AMZ2: variants seen among roughly 807,000 people sequenced by gnomAD.
The protein encoded by AMZ2 is archaemetzincin-2.
A neutral mutation model predicts 36.7 loss-of-function variants in AMZ2; 26 were observed. That is an observed-to-expected ratio of 0.71 (90% CI 0.52 to 0.98). The LOEUF (loss-of-function observed/expected upper bound fraction) is 0.98. Among genes scored for constraint, AMZ2 ranks in the 50% least tolerant of loss-of-function variants. The pLI is 0.00. For missense variants in AMZ2, 394 were observed against 430.5 expected (o/e 0.92, Z 0.75); for synonymous variants, 144 against 149.1 (o/e 0.97, Z 0.25).
At chr17:68,209,626 A>G (rs1259599949) in intron 1 of AMZ2, among the ~76,000 whole-genome samples, 1 of 95,246 alleles carries the variant, frequency 1.0e-5, no homozygotes, top group Non-Finnish European at 1.9e-5. Flanking sequence ...ATATATATAT[A>G]TATATATTTT....
At chr17:68,223,714 G>GTTGT (rs113436551) in intron 1 of AMZ2, among the ~76,000 whole-genome samples, 20,987 of 146,120 alleles carry the variant, frequency 0.14, 1,715 homozygotes, top group African/African-American at 0.23. Context: ...TAATTTTTTT[G>GTTGT]TTGTTTGTTT....
intron 1 of AMZ2, among the ~76,000 whole-genome samples, chr17:68,232,064 T>C (rs1241869991): frequency 4.7e-5 from 7 of 148,826 alleles, no homozygotes; most frequent in African/African-American, 1.7e-4. Context: ...AATGTAAGGT[T>C]ACCTTAAGAG....
chr17:68,214,154 A>T (rs1555726721), intron 1 of AMZ2, among the ~76,000 whole-genome samples: 2 of 151,184 alleles, frequency 1.3e-5, no homozygotes, highest in Non-Finnish European at 2.9e-5. Context: ...CTTCTCATTA[A>T]CATCGTGGTA....
intron 1 of AMZ2, chr17:68,206,992 A>G (rs2072854037): frequency 6.6e-6 from 1 of 152,310 alleles, no homozygotes; most frequent in Non-Finnish European, 1.5e-5. Flanking sequence ...ATCAAAAATG[A>G]AAGTACAAAA....
chr17:68,254,827 T>G (rs2074775058), intron 5 of AMZ2, among the ~76,000 whole-genome samples: 1 of 152,218 alleles, frequency 6.6e-6, no homozygotes, highest in African/African-American at 2.4e-5. Context: ...AGTGTAATTC[T>G]GAATTCTGGT....
Position 68,248,658 on chromosome 17 carries a change from G to A in AMZ2, c.-48G>A, listed in dbSNP as rs2074204236. The A allele has an allele frequency of 1.0e-6, 1 of 985,988 alleles. No individual in the cohort carries two copies. The highest frequency in any genetic ancestry group is 1.2e-6 in the Non-Finnish European group (1 of 830,078). The allele number at this position is 985,988 out of a possible 1,614,324, so 61.1% of individuals were successfully genotyped here. On this transcript the variant is annotated 5_prime_UTR_variant, in exon 1 of 7. Coordinates refer to ENST00000359904, the MANE Select transcript of AMZ2 (RefSeq NM_016627.5). Reference sequence around the variant, plus strand: ...CTTCCAGCCAGGCCCAGACATGTCCGTCCTTGTAAGTTAAAAGCTTCCATG... The same window carrying A: ...CTTCCAGCCAGGCCCAGACATGTCCATCCTTGTAAGTTAAAAGCTTCCATG...
chr17:68,209,487 C>T (rs1244406900), intron 1 of AMZ2, among the ~76,000 whole-genome samples: 4 of 151,714 alleles, frequency 2.6e-5, no homozygotes, highest in African/African-American at 9.7e-5. Flanking sequence ...AGCCACTATG[C>T]CCGGCCTTTA....
intron 1 of AMZ2, among the ~76,000 whole-genome samples, chr17:68,210,526 G>A (rs1568338622): frequency 6.6e-6 from 1 of 152,220 alleles, no homozygotes; most frequent in Non-Finnish European, 1.5e-5. Flanking sequence ...TGTAGGCTGG[G>A]AGAAGGAGAG....
At chr17:68,247,527 G>A (rs1568369557), upstream of AMZ2, 1 of 685,436 alleles carries the variant, frequency 1.5e-6, no homozygotes, top group Non-Finnish European at 1.8e-6. Context: ...CCACGAGGAC[G>A]CGCCCCACAC....
chr17:68,252,221 G>C (rs1726171080), intron 4 of AMZ2, among the ~76,000 whole-genome samples: 1 of 152,204 alleles, frequency 6.6e-6, no homozygotes, highest in African/African-American at 2.4e-5. Context: ...TGTTACATTA[G>C]CCTTAGGATT....
intron 1 of AMZ2, among the ~76,000 whole-genome samples, chr17:68,215,826 A>G (rs1343217949): frequency 6.6e-6 from 1 of 150,648 alleles, no homozygotes; most frequent in Non-Finnish European, 1.5e-5. Context: ...CCCTTTGGAT[A>G]TTCACTCTCA....
chr17:68,230,319 T>C (rs7214717), intron 1 of AMZ2, among the ~76,000 whole-genome samples: 84,466 of 152,106 alleles, frequency 0.56, 24,801 homozygotes, highest in African/African-American at 0.75. Flanking sequence ...GGTGATCCAC[T>C]CGCCTCGGCC....
rs2074175581 is a variant in AMZ2, at chr17:68,248,409, AGGCAACCAGCCAGGG to A, written c.-296_-282del. On this transcript the variant is annotated 5_prime_UTR_variant, in exon 1 of 7. It adds an upstream start codon to the 5' untranslated region. Coordinates refer to ENST00000359904, the MANE Select transcript of AMZ2 (RefSeq NM_016627.5). ...CAGAGCCCACAGTGCGAGTTGCTAT[AGGCAACCAGCCAGGG>A]TGGCCAGCTCCTTCCCGTTTGCCCG... The A allele has an allele frequency of 1.0e-6, 1 of 986,034 alleles. No homozygotes were observed. Among genetic ancestry groups the A allele is most frequent in the Middle Eastern group, 5.2e-4 (1 of 1,936 alleles). The allele number at this position is 986,034 out of a possible 1,614,324, so 61.1% of individuals were successfully genotyped here.
At chr17:68,244,639 A>G (rs1437774169), upstream of AMZ2, among the ~76,000 whole-genome samples, 2 of 152,186 alleles carry the variant, frequency 1.3e-5, no homozygotes, top group Non-Finnish European at 1.5e-5. Flanking sequence ...TCATATAGAG[A>G]CAGAGATAAA....
chr17:68,254,920 T>C (rs1370248039), intron 5 of AMZ2, among the ~76,000 whole-genome samples: 1 of 152,214 alleles, frequency 6.6e-6, no homozygotes, highest in Non-Finnish European at 1.5e-5. Context: ...ACCTCTGCTC[T>C]GGCCTCTCTG....
intron 1 of AMZ2, among the ~76,000 whole-genome samples, chr17:68,229,041 T>A (rs192145444): frequency 1.4e-4 from 22 of 152,350 alleles, no homozygotes; most frequent in African/African-American, 5.3e-4. Flanking sequence ...CTGTCCTGGG[T>A]TAACTGAAGC....
chr17:68,211,874 G>GTA (rs368820389), intron 1 of AMZ2, among the ~76,000 whole-genome samples: 11,716 of 134,798 alleles, frequency 0.087, 901 homozygotes, highest in Non-Finnish European at 0.12. Flanking sequence ...ATATGTGTGT[G>GTA]TATGTATATA....
chr17:68,212,394 C>G (rs1206862514), intron 1 of AMZ2, among the ~76,000 whole-genome samples: 4 of 151,830 alleles, frequency 2.6e-5, no homozygotes, highest in African/African-American at 9.7e-5. Flanking sequence ...AAAATCTACC[C>G]TTGAAGTGGC....
intron 1 of AMZ2, among the ~76,000 whole-genome samples, chr17:68,212,518 A>G (rs1172074470): frequency 6.6e-6 from 1 of 152,214 alleles, no homozygotes; most frequent in Admixed American, 6.5e-5. Context: ...CTTGGGAGAC[A>G]GAAAGAGACC....
Sources: allele counts gnomAD v4.1 joint callset (sites outside exome capture counted in the v4.1 genomes callset), GRCh38; gene constraint gnomAD v4.1.1; transcripts MANE v1.5; gene names NCBI Gene and HGNC (gene_info 2026-07-23, HGNC 2026-07-21).